The following SLC39A12 variants were observed in gnomAD, a reference collection of about 807,000 sequenced individuals.
SLC39A12 encodes the protein solute carrier family 39 member 12, also known as zinc transporter ZIP12.
In SLC39A12, 63 loss-of-function variants were observed where a neutral mutation model predicts 71.1. The observed-to-expected ratio is 0.89, with a 90% CI of 0.72 to 1.09. The LOEUF (loss-of-function observed/expected upper bound fraction) is 1.09, where lower values mean the gene tolerates loss of function less well. SLC39A12 is among the 50% of genes least tolerant of loss of function. The probability of loss-of-function intolerance (pLI) is 0.00; values close to 1 mark genes in which losing one functional copy is unlikely to be tolerated. For missense variants in SLC39A12, 892 were observed against 812.6 expected (o/e 1.10, Z -1.19); for synonymous variants, 351 against 301.3 (o/e 1.16, Z -1.71).
chr10:17,957,647 A>G (rs1269625174), intron 2 of SLC39A12, among the ~76,000 whole-genome samples: 1 of 152,164 alleles, frequency 6.6e-6, no homozygotes, highest in Non-Finnish European at 1.5e-5. Context: ...GCCAACTTCT[A>G]AAAACATTAA....
Position 17,991,195 on chromosome 10 carries a change from C to G in SLC39A12, c.1314C>G (p.Phe438Leu), listed in dbSNP as rs1228732238. ...AGGAAGCCCCAGAATTTGGGCATTT[C>G]CATGAAAGCAAAGGTCATATTTGGA... ...HKQEAPEFGH[F>L]HESKGHIWKL... Residue 438 changes from phenylalanine to leucine, a missense_variant, in exon 8 of 13, where the codon TTC becomes TTG. Coordinates refer to ENST00000377369, the MANE Select transcript of SLC39A12 (RefSeq NM_001145195.2). 6.4e-7 allele frequency: 1 copy of G among 1,569,826 alleles called. No individual in the cohort carries two copies. The highest frequency in any genetic ancestry group is 8.6e-7 in the Non-Finnish European group (1 of 1,162,824).
At chr10:17,977,283 CCA>C (rs751722315) in intron 4 of SLC39A12, among the ~76,000 whole-genome samples, 3 of 151,338 alleles carry the variant, frequency 2.0e-5, no homozygotes, top group Non-Finnish European at 2.9e-5. Context: ...TTTGCTGAAT[CCA>C]ACATCTGGAA....
At chr10:18,007,558 A>T (rs1836064106) in intron 12 of SLC39A12, among the ~76,000 whole-genome samples, 1 of 152,216 alleles carries the variant, frequency 6.6e-6, no homozygotes, top group African/African-American at 2.4e-5. Context: ...TTAAGAAAGT[A>T]AAAGGATAAA....
chr10:18,023,405 C>G (rs1258820373), intron 12 of SLC39A12, among the ~76,000 whole-genome samples: 1 of 152,024 alleles, frequency 6.6e-6, no homozygotes, highest in Non-Finnish European at 1.5e-5. Context: ...AGAACTCAGT[C>G]TTTTTGTTCC....
chr10:18,005,303 T>A (rs1835980105), intron 12 of SLC39A12: 1 of 152,226 alleles, frequency 6.6e-6, no homozygotes, highest in East Asian at 1.9e-4. Context: ...CCTGCGATTC[T>A]TTCAACTTGA....
chr10:17,962,584 A>G (rs1360835262), intron 3 of SLC39A12, among the ~76,000 whole-genome samples: 4 of 151,758 alleles, frequency 2.6e-5, no homozygotes, highest in African/African-American at 9.7e-5. Context: ...TTGAGAAGCC[A>G]TTACTACATT....
At chr10:18,041,422 G>A (rs569728625) in intron 12 of SLC39A12, among the ~76,000 whole-genome samples, 1 of 150,918 alleles carries the variant, frequency 6.6e-6, no homozygotes, top group Admixed American at 6.6e-5. Flanking sequence ...CTTGAACCCG[G>A]GAGGCAGACA....
In SLC39A12 at chr10:18,000,826, G is replaced by T. The variant is rs1244832716; in HGVS notation, c.1759+1G>T. The T allele has an allele frequency of 6.2e-7, 1 of 1,613,440 alleles. No homozygotes were observed. Among genetic ancestry groups the T allele is most frequent in the South Asian group, 1.1e-5 (1 of 90,866 alleles). On this transcript the variant is annotated splice_donor_variant, in intron 11 of 12. Coordinates refer to ENST00000377369, the MANE Select transcript of SLC39A12 (RefSeq NM_001145195.2). LOFTEE classifies it high-confidence loss of function. ...TGTCATGAAATCCCACATGAAATGG[G>T]TAAGTTCAACAATGGAATTACTGTT...
At chr10:17,993,001 G>A (rs1189113865) in intron 8 of SLC39A12, among the ~76,000 whole-genome samples, 180 bp from the exon 9 acceptor site, 1 of 152,120 alleles carries the variant, frequency 6.6e-6, no homozygotes, top group Non-Finnish European at 1.5e-5. Flanking sequence ...CACTATTCAA[G>A]CCTTCTTCAG....
At chr10:17,968,887 G>A (rs1834898917) in intron 4 of SLC39A12, among the ~76,000 whole-genome samples, 1 of 151,992 alleles carries the variant, frequency 6.6e-6, no homozygotes, top group South Asian at 2.1e-4. Context: ...CAAATAATAG[G>A]TCTTATTCTT....
intron 8 of SLC39A12, 118 bp from the exon 9 acceptor site, chr10:17,993,063 C>G: frequency 1.7e-6 from 1 of 602,610 alleles, no homozygotes; most frequent in Non-Finnish European, 2.9e-6. Flanking sequence ...CATCCCAGTT[C>G]TCTTTTGTGG....
At chr10:18,035,701 TCCGC>T in intron 12 of SLC39A12, among the ~76,000 whole-genome samples, 1 of 152,266 alleles carries the variant, frequency 6.6e-6, no homozygotes, top group Non-Finnish European at 1.5e-5. Flanking sequence ...GGAACTGCGT[TCCGC>T]TGGAGGAGGA....
At chr10:17,979,748 T>A (rs1468331207) in intron 5 of SLC39A12, among the ~76,000 whole-genome samples, 1 of 152,202 alleles carries the variant, frequency 6.6e-6, no homozygotes, top group Non-Finnish European at 1.5e-5. Context: ...TTGGCACCCA[T>A]GTTTGAACAG....
intron 12 of SLC39A12, among the ~76,000 whole-genome samples, chr10:18,041,029 G>T (rs908497349): frequency 6.6e-6 from 1 of 152,034 alleles, no homozygotes; most frequent in Non-Finnish European, 1.5e-5. Context: ...AATGAAGGAT[G>T]ATCTGGCCCA....
intron 12 of SLC39A12, among the ~76,000 whole-genome samples, chr10:18,029,509 T>A (rs1006588968): frequency 1.3e-5 from 2 of 152,224 alleles, no homozygotes; most frequent in African/African-American, 4.8e-5. Context: ...AAGTTACTTC[T>A]CTACTTCAAG....
At chr10:18,041,748 T>C (rs1310306540) in intron 12 of SLC39A12, among the ~76,000 whole-genome samples, 1 of 129,478 alleles carries the variant, frequency 7.7e-6, no homozygotes, top group Non-Finnish European at 1.8e-5. Flanking sequence ...TATATACATG[T>C]ATATATGTGT....
At chr10:18,030,612 A>T (rs998772316) in intron 12 of SLC39A12, among the ~76,000 whole-genome samples, 10 of 119,650 alleles carry the variant, frequency 8.4e-5, no homozygotes, top group Admixed American at 6.7e-4. Context: ...ATTTTATTTT[A>T]TTTATTTATG....
At chr10:17,971,129 C>A (rs12266431) in intron 4 of SLC39A12, among the ~76,000 whole-genome samples, 3 of 151,998 alleles carry the variant, frequency 2.0e-5, no homozygotes, top group East Asian at 1.9e-4. Flanking sequence ...GTTGAACCAA[C>A]CTTGCATCCT....
intron 6 of SLC39A12, among the ~76,000 whole-genome samples, chr10:17,986,281 G>A (rs1251538891): frequency 6.6e-6 from 1 of 152,140 alleles, no homozygotes; most frequent in African/African-American, 2.4e-5. Context: ...TTTTAGTAAG[G>A]GGTAGTCAGA....
Sources: allele counts gnomAD v4.1 joint callset (sites outside exome capture counted in the v4.1 genomes callset), GRCh38; gene constraint gnomAD v4.1.1; transcripts MANE v1.5; gene names NCBI Gene and HGNC (gene_info 2026-07-23, HGNC 2026-07-21).